The following AHCYL2 variants were observed in gnomAD, a reference collection of about 807,000 sequenced individuals.
AHCYL2 encodes S-adenosylhomocysteine hydrolase-like protein 2.
Under a neutral mutation model 81.4 loss-of-function variants are expected in AHCYL2, and 28 were observed. The observed-to-expected ratio is 0.34, with a 90% confidence interval of 0.25 to 0.47. The LOEUF (loss-of-function observed/expected upper bound fraction) is 0.47. Ranked by LOEUF, AHCYL2 falls within the 20% of genes least tolerant of loss-of-function variation. The pLI is 1.00. For missense variants in AHCYL2, 551 were observed against 785.1 expected (o/e 0.70, Z 3.56); for synonymous variants, 272 against 290.2 (o/e 0.94, Z 0.64).
chr7:129,386,899 C>A lies in AHCYL2; in HGVS notation c.476-2157C>A, dbSNP rs148998365. Among the ~76,000 whole-genome samples, 92 of 152,264 alleles carry A rather than the reference C, an allele frequency of 6.0e-4. 1 individual carries two copies. Among genetic ancestry groups the A allele is most frequent in the African/African-American group, 1.9e-3 (80 of 41,538 alleles). ...TTATGTATGTATATCATTCTTTTCC[C>A]ATTCAAAATCTTAAAGCTGAGTAAG... On this transcript the variant is annotated intron_variant, in intron 2 of 16. Transcript: ENST00000325006.
intron 1 of AHCYL2, among the ~76,000 whole-genome samples, chr7:129,225,869 A>T (rs2150667431): frequency 6.6e-6 from 1 of 152,334 alleles, no homozygotes; most frequent in South Asian, 2.1e-4. Flanking sequence ...AGAACGAGTA[A>T]GGTGTAGTCA....
intron 1 of AHCYL2, among the ~76,000 whole-genome samples, chr7:129,255,645 A>G (rs1440939357): frequency 6.6e-6 from 1 of 152,244 alleles, no homozygotes; most frequent in East Asian, 1.9e-4. Flanking sequence ...AATTCATTTG[A>G]TAGGCCTGGG....
At chr7:129,385,522 T>C (rs1795162062) in intron 2 of AHCYL2, among the ~76,000 whole-genome samples, 2 of 152,212 alleles carry the variant, frequency 1.3e-5, no homozygotes, top group Admixed American at 1.3e-4. Flanking sequence ...TTTTGGAAAA[T>C]AATGAAACAA....
intron 4 of AHCYL2, among the ~76,000 whole-genome samples, chr7:129,393,073 T>C (rs1795547335): frequency 6.6e-6 from 1 of 152,370 alleles, no homozygotes; most frequent in East Asian, 1.9e-4. Context: ...ATTGAGGTGG[T>C]GTCTCCCAGG....
At position 129,256,401 on chromosome 7, in the gene AHCYL2, A is replaced by T. The variant is rs184705590; in HGVS notation, c.363+30962A>T. On this transcript the variant is annotated intron_variant, in intron 1 of 16. Coordinates refer to ENST00000325006, the MANE Select transcript of AHCYL2 (RefSeq NM_015328.4). ...CTTATTTATCTTTTAGGAGTAGCCT[A>T]TGCATTTACAAGTGTATACATACTT... is the stretch of plus-strand genomic sequence containing the variant. Among the ~76,000 whole-genome samples, 10 of 152,284 alleles carry T rather than the reference A, an allele frequency of 6.6e-5. No homozygotes were observed. The East Asian group carries it at 1.3e-3, about 21-fold the overall frequency.
At chr7:129,295,072 T>G (rs556502981) in intron 1 of AHCYL2, among the ~76,000 whole-genome samples, 2 of 152,196 alleles carry the variant, frequency 1.3e-5, no homozygotes, top group Non-Finnish European at 2.9e-5. Context: ...CCATTGGAAC[T>G]CAAAGAAATA....
At chr7:129,317,939 A>G (rs550209491) in intron 1 of AHCYL2, among the ~76,000 whole-genome samples, 1 of 152,290 alleles carries the variant, frequency 6.6e-6, no homozygotes, top group South Asian at 2.1e-4. Context: ...TTTCTGGGGT[A>G]TTTTTCAAGG....
At chr7:129,326,758 C>T (rs1228412871) in intron 1 of AHCYL2, among the ~76,000 whole-genome samples, 1 of 151,924 alleles carries the variant, frequency 6.6e-6, no homozygotes, top group Admixed American at 6.6e-5. Context: ...CCTCAAGATA[C>T]AAGGGATGTT....
chr7:129,286,099 G>C (rs1796620740), intron 1 of AHCYL2, among the ~76,000 whole-genome samples: 2 of 152,104 alleles, frequency 1.3e-5, no homozygotes, highest in African/African-American at 4.8e-5. Context: ...ACTAGTTTTA[G>C]GTCACAGTGT....
intron 1 of AHCYL2, among the ~76,000 whole-genome samples, chr7:129,306,653 G>A (rs1307858596): frequency 6.6e-6 from 1 of 152,140 alleles, no homozygotes; most frequent in Non-Finnish European, 1.5e-5. Flanking sequence ...GCTTGTGGAT[G>A]TTTGTCAGTG....
chr7:129,328,651 A>AATG (rs1341599519), intron 1 of AHCYL2, among the ~76,000 whole-genome samples: 1 of 151,752 alleles, frequency 6.6e-6, no homozygotes, highest in Non-Finnish European at 1.5e-5. Context: ...CCACCCAACT[A>AATG]ATTTTTGTAT....
intron 4 of AHCYL2, among the ~76,000 whole-genome samples, chr7:129,390,502 A>T (rs1386559044): frequency 6.6e-6 from 1 of 152,250 alleles, no homozygotes; most frequent in Non-Finnish European, 1.5e-5. Flanking sequence ...AACAGACTGT[A>T]ATAAAAGTTA....
chr7:129,275,957 T>TA (rs1344858699), intron 1 of AHCYL2, among the ~76,000 whole-genome samples: 1 of 152,044 alleles, frequency 6.6e-6, no homozygotes, highest in African/African-American at 2.4e-5. Context: ...TAGGGAGTTT[T>TA]AAAAAAATTG....
At chr7:129,317,236 T>A (rs571766580) in intron 1 of AHCYL2, among the ~76,000 whole-genome samples, 1 of 152,182 alleles carries the variant, frequency 6.6e-6, no homozygotes, top group Non-Finnish European at 1.5e-5. Context: ...GAAGCCATCA[T>A]GTGATTTTAA....
At chr7:129,252,256 T>G (rs1795271384) in intron 1 of AHCYL2, among the ~76,000 whole-genome samples, 1 of 152,212 alleles carries the variant, frequency 6.6e-6, no homozygotes, top group Non-Finnish European at 1.5e-5. Flanking sequence ...GCACTGATAA[T>G]TAATCCTTTG....
intron 1 of AHCYL2, among the ~76,000 whole-genome samples, chr7:129,232,785 G>C (rs1219806242): frequency 6.6e-6 from 1 of 152,260 alleles, no homozygotes; most frequent in Admixed American, 6.5e-5. Flanking sequence ...AAACCAAGCT[G>C]CAGCATCTCC....
At chr7:129,230,641 T>C (rs904173605) in intron 1 of AHCYL2, among the ~76,000 whole-genome samples, 19 of 151,038 alleles carry the variant, frequency 1.3e-4, no homozygotes, top group Non-Finnish European at 2.4e-4. Flanking sequence ...GGTGCGGTCT[T>C]GGCTCACTGC....
intron 1 of AHCYL2, among the ~76,000 whole-genome samples, chr7:129,301,601 C>T (rs905854519): frequency 2.6e-5 from 4 of 152,108 alleles, no homozygotes; most frequent in African/African-American, 4.8e-5. Context: ...TTCCCAGCAC[C>T]GTTTATTGAA....
chr7:129,358,827 A>C (rs1296510843), intron 1 of AHCYL2, among the ~76,000 whole-genome samples: 1 of 152,190 alleles, frequency 6.6e-6, no homozygotes, highest in Non-Finnish European at 1.5e-5. Flanking sequence ...TGAAAACCAC[A>C]GTGTGACACC....
Sources: gnomAD v4.1 joint callset for allele counts (sites outside exome capture counted in the v4.1 genomes callset) on GRCh38, gnomAD v4.1.1 for gene constraint, MANE v1.5 for transcripts, NCBI Gene and HGNC (gene_info 2026-07-23, HGNC 2026-07-21) for gene names.